Variants in PTAR1 observed in about 807,000 individuals in gnomAD.
PTAR1 encodes the protein protein prenyltransferase alpha subunit repeat-containing protein 1.
Under a neutral mutation model 45.5 loss-of-function variants are expected in PTAR1, and 17 were observed. That is an observed-to-expected ratio of 0.37 (90% CI 0.26 to 0.56). The LOEUF is 0.56. Among genes scored for constraint, PTAR1 ranks in the 20% least tolerant of loss-of-function variants. The probability of loss-of-function intolerance (pLI) is 0.77; values close to 1 mark genes in which losing one functional copy is unlikely to be tolerated. For missense variants in PTAR1, 391 were observed against 476.3 expected (o/e 0.82, Z 1.67); for synonymous variants, 169 against 171.3 (o/e 0.99, Z 0.11).
intron 1 of PTAR1, among the ~76,000 whole-genome samples, chr9:69,758,900 T>C (rs559832821): frequency 1.3e-5 from 2 of 149,212 alleles, no homozygotes; most frequent in African/African-American, 4.9e-5. Context: ...CTAGCTAAAA[T>C]GAAAGTAATG....
At chr9:69,739,011 T>C (rs1352683083) in intron 3 of PTAR1, among the ~76,000 whole-genome samples, 1 of 152,128 alleles carries the variant, frequency 6.6e-6, no homozygotes, top group Non-Finnish European at 1.5e-5. Flanking sequence ...TTTCACCATA[T>C]TGGCCAGGAT....
chr9:69,747,597 T>C (rs994360739), intron 2 of PTAR1, among the ~76,000 whole-genome samples: 2 of 152,202 alleles, frequency 1.3e-5, no homozygotes, highest in African/African-American at 4.8e-5. Context: ...TCTGCCGCAG[T>C]GTCTCAAGAG....
chr9:69,745,158 T>A (rs535431511), intron 2 of PTAR1, among the ~76,000 whole-genome samples: 2 of 152,312 alleles, frequency 1.3e-5, no homozygotes, highest in South Asian at 4.1e-4. Flanking sequence ...GAAATGAGTA[T>A]TTTCAACATA....
At chr9:69,730,600 C>G (rs1345651931) in intron 5 of PTAR1, among the ~76,000 whole-genome samples, 1 of 148,262 alleles carries the variant, frequency 6.7e-6, no homozygotes, top group Non-Finnish European at 1.5e-5. Flanking sequence ...TATCTTCCTT[C>G]CCCCGGCAGC....
chr9:69,736,413 T>A (rs1854683), intron 3 of PTAR1, among the ~76,000 whole-genome samples: 1 of 152,036 alleles, frequency 6.6e-6, no homozygotes, highest in African/African-American at 2.4e-5. Flanking sequence ...AAAAATTAGC[T>A]GGGCATGGTG....
chr9:69,728,379 T>C (rs950216630), intron 5 of PTAR1, among the ~76,000 whole-genome samples: 13 of 152,188 alleles, frequency 8.5e-5, no homozygotes, highest in Non-Finnish European at 1.9e-4. Flanking sequence ...TATTAATATA[T>C]AGTGATTCTA....
intron 3 of PTAR1, among the ~76,000 whole-genome samples, chr9:69,737,045 A>G (rs1353585056): frequency 6.6e-6 from 1 of 152,122 alleles, no homozygotes. Context: ...AGGAAATATG[A>G]TATGTGGTAA....
intron 5 of PTAR1, among the ~76,000 whole-genome samples, chr9:69,725,600 A>AT (rs1190232791): frequency 1.3e-5 from 2 of 151,330 alleles, no homozygotes; most frequent in Non-Finnish European, 2.9e-5. Context: ...AAAAAAGAAA[A>AT]AAAATATATA....
chr9:69,715,327 A>C lies in PTAR1; in HGVS notation c.*3015T>G, dbSNP rs575204555. 7.1e-6 allele frequency: 1 copy of C among 141,228 alleles called. No individual in the cohort carries two copies. Among genetic ancestry groups the C allele is most frequent in the East Asian group, 2.0e-4 (1 of 5,096 alleles). 8.7% of individuals were successfully genotyped at this position (141,228 alleles called of 1,614,324 possible). ...TCCATCAATTTCTCAATCATCACTCATTCTTAACACTCACAAACAATCTTT... is the reference window on the plus strand; with the variant it reads ...TCCATCAATTTCTCAATCATCACTCCTTCTTAACACTCACAAACAATCTTT... On this transcript the variant is annotated 3_prime_UTR_variant, in exon 8 of 8. Transcript: ENST00000340434.
chr9:69,740,198 T>G, intron 3 of PTAR1, among the ~76,000 whole-genome samples: 1 of 152,156 alleles, frequency 6.6e-6, no homozygotes, highest in Non-Finnish European at 1.5e-5. Context: ...TATATGTATA[T>G]AGGTGTGTGT....
intron 2 of PTAR1, among the ~76,000 whole-genome samples, chr9:69,750,485 T>C (rs1477057634): frequency 6.6e-6 from 1 of 151,648 alleles, no homozygotes; most frequent in Non-Finnish European, 1.5e-5. Context: ...TTTTTTTCCT[T>C]CAAATGAAAT....
intron 1 of PTAR1, 38 bp from the exon 2 acceptor site, chr9:69,750,988 G>T (rs1308436579): frequency 7.4e-7 from 1 of 1,347,540 alleles, no homozygotes. Flanking sequence ...TAAAAATAAG[G>T]ATACTAACCT....
At position 69,718,029 on chromosome 9, in the gene PTAR1, G is replaced by A. The variant is rs1055502149; in HGVS notation, c.*313C>T. 4.3e-6 allele frequency: 1 copy of A among 231,366 alleles called. No homozygotes were observed. 14.3% of individuals were successfully genotyped at this position (231,366 alleles called of 1,614,324 possible). ...CAGCAATTGGACTGAGGGGGGTAGA[G>A]GTGTGTGTGTGTGAACCAATCAGGA... is the stretch of plus-strand genomic sequence containing the variant. On this transcript the variant is annotated 3_prime_UTR_variant, in exon 8 of 8. Transcript: ENST00000340434.
At chr9:69,748,832 T>C (rs928897779) in intron 2 of PTAR1, among the ~76,000 whole-genome samples, 1 of 152,160 alleles carries the variant, frequency 6.6e-6, no homozygotes, top group African/African-American at 2.4e-5. Flanking sequence ...TATCTTTTTC[T>C]GTCAAACCCA....
intron 3 of PTAR1, among the ~76,000 whole-genome samples, chr9:69,735,531 TAC>T (rs1275415334): frequency 6.6e-6 from 1 of 152,224 alleles, no homozygotes; most frequent in Non-Finnish European, 1.5e-5. Context: ...AACCTACAGA[TAC>T]AGAGGGCCAA....
chr9:69,758,797 C>A (rs1239599866), intron 1 of PTAR1: 2 of 204,464 alleles, frequency 9.8e-6, no homozygotes, highest in East Asian at 1.6e-4. Flanking sequence ...AAAAAAAAAT[C>A]ATGAGCTCCA....
At chr9:69,739,650 T>C (rs1825951934) in intron 3 of PTAR1, among the ~76,000 whole-genome samples, 1 of 152,178 alleles carries the variant, frequency 6.6e-6, no homozygotes, top group Non-Finnish European at 1.5e-5. Context: ...CAATTAAAAA[T>C]AAAGTTCTGT....
At chr9:69,722,696 TGG>T (rs1235820338) in intron 6 of PTAR1, among the ~76,000 whole-genome samples, 3 of 151,392 alleles carry the variant, frequency 2.0e-5, no homozygotes, top group African/African-American at 7.3e-5. Context: ...CCCAGCACTT[TGG>T]GAGGCCAAGG....
Position 69,711,463 on chromosome 9 carries a change from G to A in PTAR1, c.*6879C>T, listed in dbSNP as rs539107821. ...GAGACTACTGTATCATTCACAAAAAGTTCTTCCTCATGCCAAAGATGTTCT... is the reference window on the plus strand; with the variant it reads ...GAGACTACTGTATCATTCACAAAAAATTCTTCCTCATGCCAAAGATGTTCT... On this transcript the variant is annotated 3_prime_UTR_variant, in exon 8 of 8. Coordinates refer to ENST00000340434, the MANE Select transcript of PTAR1 (RefSeq NM_001099666.2). 6.6e-6 allele frequency: 1 copy of A among 152,238 alleles called. No homozygotes were observed. The highest frequency in any genetic ancestry group is 2.4e-5 in the African/African-American group (1 of 41,562). 9.4% of individuals were successfully genotyped at this position (152,238 alleles called of 1,614,324 possible).
Sources: gnomAD v4.1 joint callset for allele counts (sites outside exome capture counted in the v4.1 genomes callset) on GRCh38, gnomAD v4.1.1 for gene constraint, MANE v1.5 for transcripts, NCBI Gene and HGNC (gene_info 2026-07-23, HGNC 2026-07-21) for gene names.